Variants in RIC1 observed in about 807,000 individuals in gnomAD.
RIC1 encodes RIC1 partner of RAB6A GEF complex.
In RIC1, 88 loss-of-function variants were observed where a neutral mutation model predicts 169.0. That is an observed-to-expected ratio of 0.52 (90% confidence interval 0.44 to 0.62). The LOEUF (loss-of-function observed/expected upper bound fraction) is 0.62. RIC1 is among the 20% of genes least tolerant of loss of function. The pLI, the probability that RIC1 is intolerant of heterozygous loss-of-function variation, is 0.00. For synonymous variants in RIC1, 790 were observed against 601.5 expected, an observed-to-expected ratio of 1.31 and a Z score of -4.59; for missense variants, 1,877 against 1,725.5, an observed-to-expected ratio of 1.09 and a Z score of -1.56.
chr9:5,651,118 C>A (rs1238203505), intron 1 of RIC1, among the ~76,000 whole-genome samples: 1 of 152,188 alleles, frequency 6.6e-6, no homozygotes, highest in Non-Finnish European at 1.5e-5. Flanking sequence ...AGTCTCTGGA[C>A]CCCCTCTCTG....
At chr9:5,719,706 C>T (rs1387038654) in intron 4 of RIC1, among the ~76,000 whole-genome samples, 2 of 152,160 alleles carry the variant, frequency 1.3e-5, no homozygotes, top group Middle Eastern at 3.2e-3. Flanking sequence ...TGTATAGTCA[C>T]CACATACAGC....
At position 5,763,750 on chromosome 9, in the gene RIC1, C is replaced by T; in HGVS notation, c.2723C>T (p.Thr908Ile). ...ACAGTTGTCCATTGTGCCAGGAAGA[C>T]CGAATATGCCCTGTGGAATTACCTT... The part of the protein sequence containing the change: ...LQTVVHCARK[T>I]EYALWNYLFA... The change falls in exon 19 of 26, where the codon ACC becomes ATC. Residue 908 changes from threonine (T) to isoleucine (I), a missense_variant. Thr to Ile is a moderately conservative substitution (Grantham distance 89). Around this residue, in one of 3 missense-constraint regions of RIC1, gnomAD observed 92 missense variants for 151.5 expected, o/e 0.61. Coordinates refer to ENST00000414202, the MANE Select transcript of RIC1 (RefSeq NM_020829.4). This position sits in a 1 kb window ranked among gnomAD's most constrained non-coding sequence, Gnocchi z 5.2. 1 of 1,614,180 alleles carries T rather than the reference C, an allele frequency of 6.2e-7. No individual in the cohort carries two copies. The highest frequency in any genetic ancestry group is 1.7e-5 in the Admixed American group (1 of 60,018).
chr9:5,658,930 A>G (rs914632941), intron 2 of RIC1, among the ~76,000 whole-genome samples: 4 of 151,052 alleles, frequency 2.6e-5, no homozygotes, highest in African/African-American at 9.7e-5. Context: ...CTTTTGCTGT[A>G]TTAGAAAATG....
intron 1 of RIC1, among the ~76,000 whole-genome samples, chr9:5,639,168 A>C (rs1186294405): frequency 6.6e-6 from 1 of 152,156 alleles, no homozygotes; most frequent in Non-Finnish European, 1.5e-5. Context: ...CGGCTCCCAA[A>C]GTGCTAGGAT....
In RIC1 at chr9:5,754,827, A is replaced by C. The variant is rs368894119; in HGVS notation, c.1603-14A>C. On this transcript the variant is annotated splice_polypyrimidine_tract_variant and intron_variant, in intron 14 of 25. Coordinates refer to ENST00000414202, the MANE Select transcript of RIC1 (RefSeq NM_020829.4). ...TAGCATAAGGTAAATTTTTTAAAAA[A>C]TTTTTATTTTAAGGAGCAAAATATG... 6.6e-7 allele frequency: 1 copy of C among 1,521,180 alleles called. No homozygotes were observed. Among genetic ancestry groups the C allele is most frequent in the Non-Finnish European group, 8.9e-7 (1 of 1,119,602 alleles). 94.2% of individuals were successfully genotyped at this position (1,521,180 alleles called of 1,614,324 possible). A position where few individuals can be genotyped will look rare whatever the true frequency, so the allele number is the denominator to read the frequency against.
At chr9:5,718,390 T>A (rs10975257) in intron 4 of RIC1, among the ~76,000 whole-genome samples, 12,944 of 152,132 alleles carry the variant, frequency 0.085, 778 homozygotes, top group East Asian at 0.27. Context: ...AAGAGGGAAG[T>A]TAATCTACCA....
chr9:5,765,638 A>G, intron 20 of RIC1, 24 bp from the exon 21 acceptor site: 1 of 1,614,130 alleles, frequency 6.2e-7, no homozygotes, highest in Non-Finnish European at 8.5e-7. Flanking sequence ...CTCTAATGGT[A>G]CTGCATATGG....
At chr9:5,761,612 C>G (rs1046004180) in intron 17 of RIC1, among the ~76,000 whole-genome samples, 1 of 152,196 alleles carries the variant, frequency 6.6e-6, no homozygotes, top group East Asian at 1.9e-4. Flanking sequence ...ATAACTTCAA[C>G]TTCTCTAGCA....
At chr9:5,747,231 G>A (rs1825430297) in intron 11 of RIC1, 71 bp from the exon 12 acceptor site, 4 of 1,124,934 alleles carry the variant, frequency 3.6e-6, no homozygotes, top group Non-Finnish European at 5.3e-6. Context: ...TGTTATTTTT[G>A]CCTGCGTAAT....
Position 5,629,272 on chromosome 9 carries a change from C to A in RIC1, c.-38C>A, listed in dbSNP as rs529282261. 7.3e-5 allele frequency: 105 copies of A among 1,442,718 alleles called. 1 individual carries two copies. The East Asian group carries it at 3.0e-3, about 41-fold the overall frequency. 89.4% of individuals were successfully genotyped at this position (1,442,718 alleles called of 1,614,324 possible). On this transcript the variant is annotated 5_prime_UTR_variant, in exon 1 of 26. Coordinates refer to ENST00000414202, the MANE Select transcript of RIC1 (RefSeq NM_020829.4). ...ACCAGCCCGGGGCCGCTGAGTGTGA[C>A]GGACGCAACTGGGGGCGCCGGGGGC... is the stretch of plus-strand genomic sequence containing the variant.
intron 3 of RIC1, among the ~76,000 whole-genome samples, chr9:5,693,137 T>A (rs1821685302): frequency 6.6e-6 from 1 of 152,096 alleles, no homozygotes; most frequent in African/African-American, 2.4e-5. Flanking sequence ...TTTCTAATAG[T>A]CCTGAAGAAT....
intron 6 of RIC1, among the ~76,000 whole-genome samples, 164 bp from the exon 7 acceptor site, chr9:5,732,199 GTTTTAAGGGAGACTATTTGGTAGTA>G (rs886091723): frequency 2.6e-5 from 4 of 152,136 alleles, no homozygotes; most frequent in Admixed American, 6.5e-5. Flanking sequence ...GAAGTTTGAG[GTTTTAAGGGAGACTATTTGGTAGTA>G]TTTTAAGGGA....
rs1166799358 is a variant in RIC1, at chr9:5,774,443, TAA to T, written c.*203_*204del. 1 of 474,016 alleles carries T rather than the reference TAA, an allele frequency of 2.1e-6. No individual in the cohort carries two copies. The highest frequency in any genetic ancestry group is 3.6e-6 in the Non-Finnish European group (1 of 279,728). 29.4% of individuals were successfully genotyped at this position (474,016 alleles called of 1,614,324 possible). ...AAAATGTGATATAAAGCATCTTTCA[TAA>T]AAAAATTTTAAGCTGCAGTGAAAAG... is the stretch of plus-strand genomic sequence containing the variant. On this transcript the variant is annotated 3_prime_UTR_variant, in exon 26 of 26. Transcript: ENST00000414202.
In RIC1 at chr9:5,775,836, G is replaced by A. The variant is rs150178000; in HGVS notation, c.*1590G>A. 3.9e-5 allele frequency: 6 copies of A among 152,278 alleles called. No individual in the cohort carries two copies. The East Asian group carries it at 1.2e-3, about 29-fold the overall frequency. The allele number at this position is 152,278 out of a possible 1,614,324, so 9.4% of individuals were successfully genotyped here. On this transcript the variant is annotated 3_prime_UTR_variant, in exon 26 of 26. Coordinates refer to ENST00000414202, the MANE Select transcript of RIC1 (RefSeq NM_020829.4). Reference sequence around the variant, plus strand: ...AAACTCCCGAATGGGTGGAGTATGTGATTATTGGTACCTGGTCCTTCTGGT... The same window carrying A: ...AAACTCCCGAATGGGTGGAGTATGTAATTATTGGTACCTGGTCCTTCTGGT...
chr9:5,743,431 T>C (rs1825194824), intron 9 of RIC1, among the ~76,000 whole-genome samples: 1 of 152,152 alleles, frequency 6.6e-6, no homozygotes, highest in African/African-American at 2.4e-5. Flanking sequence ...TATACTACCC[T>C]GAACCTCAGT....
At chr9:5,662,271 A>T (rs957153136) in intron 2 of RIC1, among the ~76,000 whole-genome samples, 6 of 152,256 alleles carry the variant, frequency 3.9e-5, no homozygotes, top group African/African-American at 1.4e-4. Context: ...TTCATCAAGC[A>T]TATTGGCCTG....
intron 2 of RIC1, among the ~76,000 whole-genome samples, chr9:5,681,047 C>T (rs1049689708): frequency 2.2e-4 from 33 of 151,212 alleles, no homozygotes; most frequent in Non-Finnish European, 3.5e-4. Context: ...AGGATGGTCT[C>T]GATCTCCTGA....
At chr9:5,644,519 C>T (rs1226101750) in intron 1 of RIC1, among the ~76,000 whole-genome samples, 1 of 152,166 alleles carries the variant, frequency 6.6e-6, no homozygotes, top group South Asian at 2.1e-4. Flanking sequence ...TAAGTAACTT[C>T]TTATCCTTTA....
intron 3 of RIC1, among the ~76,000 whole-genome samples, chr9:5,710,567 T>C (rs192425180): frequency 2.6e-4 from 40 of 152,360 alleles, no homozygotes; most frequent in Non-Finnish European, 4.1e-4. Flanking sequence ...TAGTCACCTT[T>C]TTATTGTTAA....
Sources: allele counts gnomAD v4.1 joint callset (sites outside exome capture counted in the v4.1 genomes callset), GRCh38; gene constraint gnomAD v4.1.1; regional missense constraint gnomAD v4.1.1; non-coding constraint Gnocchi (gnomAD v3.1); transcripts MANE v1.5; gene names NCBI Gene and HGNC (gene_info 2026-07-23, HGNC 2026-07-21).